Variants in EFCAB6 observed in about 807,000 individuals in gnomAD.
The protein encoded by EFCAB6 is EF-hand calcium-binding domain-containing protein 6.
A neutral mutation model predicts 169.8 loss-of-function variants in EFCAB6; 156 were observed. That is an observed-to-expected ratio of 0.92 (90% CI 0.81 to 1.05). EFCAB6 has a LOEUF of 1.05. Among genes scored for constraint, EFCAB6 ranks in the 50% least tolerant of loss-of-function variants. The pLI, the probability that EFCAB6 is intolerant of heterozygous loss-of-function variation, is 0.00. For synonymous variants in EFCAB6, 698 were observed against 676.4 expected, an observed-to-expected ratio of 1.03 and a Z score of -0.50; for missense variants, 1,800 against 1,829.1, an observed-to-expected ratio of 0.98 and a Z score of 0.29.
In EFCAB6 at chr22:43,789,269, G is replaced by A. The variant is rs143179411; in HGVS notation, c.-7-6944C>T. Among the ~76,000 whole-genome samples, 351 of 152,094 alleles carry A rather than the reference G, an allele frequency of 2.3e-3. 1 individual carries two copies. The highest frequency in any genetic ancestry group is 8.3e-3 in the African/African-American group (343 of 41,472). On this transcript the variant is annotated intron_variant, in intron 2 of 31. Transcript: ENST00000262726. ...CACTTTGAAAGGATGTGAATTTTAT[G>A]GTATATGAATTATATCACAATTAGA...
At chr22:43,717,101 A>C in intron 8 of EFCAB6, 129 bp from the exon 9 acceptor site, 1 of 1,197,744 alleles carries the variant, frequency 8.3e-7, no homozygotes. Context: ...ATGATGAACC[A>C]TCTGATTAAT....
intron 24 of EFCAB6, among the ~76,000 whole-genome samples, chr22:43,584,855 G>A (rs929925104): frequency 3.9e-5 from 6 of 152,106 alleles, no homozygotes; most frequent in African/African-American, 1.4e-4. Flanking sequence ...TGAAAGAACT[G>A]CAAAACACAT....
chr22:43,740,620 G>C (rs529365474), intron 6 of EFCAB6, among the ~76,000 whole-genome samples: 1 of 152,304 alleles, frequency 6.6e-6, no homozygotes, highest in South Asian at 2.1e-4. Flanking sequence ...CCAGCCTCCT[G>C]ACTAGAGAAC....
At chr22:43,737,511 A>G (rs905433444) in intron 6 of EFCAB6, among the ~76,000 whole-genome samples, 1 of 150,888 alleles carries the variant, frequency 6.6e-6, no homozygotes, top group Non-Finnish European at 1.5e-5. Flanking sequence ...ATATATTCAC[A>G]GATACATGCA....
chr22:43,801,625 T>G (rs1211097549), intron 2 of EFCAB6, among the ~76,000 whole-genome samples: 2 of 152,236 alleles, frequency 1.3e-5, no homozygotes, highest in East Asian at 3.8e-4. Context: ...ATTTCTTGTT[T>G]GTTTATATTC....
chr22:43,530,685 G>GT lies in EFCAB6; in HGVS notation c.4383+129dup, dbSNP rs1198952765. On this transcript the variant is annotated intron_variant, in intron 31 of 31. Coordinates refer to ENST00000262726, the MANE Select transcript of EFCAB6 (RefSeq NM_022785.4). ...TGGATAACTTGGGGGTCCCAGGGAAGTGAGATCTGAAGCAGCCAGGTCACA... is the reference window on the plus strand; with the variant it reads ...TGGATAACTTGGGGGTCCCAGGGAAGTTGAGATCTGAAGCAGCCAGGTCACA... 2.0e-6 allele frequency: 3 copies of GT among 1,510,934 alleles called. No homozygotes were observed. In the African/African-American group the frequency reaches 4.2e-5, roughly 21 times the overall value. The allele number at this position is 1,510,934 out of a possible 1,614,324, so 93.6% of individuals were successfully genotyped here. A position where few individuals can be genotyped will look rare whatever the true frequency, so the allele number is the denominator to read the frequency against.
intron 12 of EFCAB6, among the ~76,000 whole-genome samples, chr22:43,680,941 G>C (rs2057981404): frequency 6.6e-6 from 1 of 152,160 alleles, no homozygotes; most frequent in South Asian, 2.1e-4. Context: ...TTTCAATCTT[G>C]ATGCCTTTTA....
rs749521050 is a variant in EFCAB6 at position 43,580,571 on chromosome 22, T to C, written c.3121A>G (p.Lys1041Glu). Residue 1041 changes from lysine (K) to glutamate (E), a missense_variant, in exon 25 of 32, where the codon AAG (lysine) becomes GAG (glutamate). Coordinates refer to ENST00000262726, the MANE Select transcript of EFCAB6 (RefSeq NM_022785.4). ...ENSKSTGAQP[K>E]EKEESMPINF... ...ATTGGCATGCTCTCTTCTTTTTCCT[T>C]GGGCTGAGCTCCTGTTGACTTGCTG... The C allele has an allele frequency of 3.0e-5, 49 of 1,614,090 alleles. No individual in the cohort carries two copies. Among genetic ancestry groups the C allele is most frequent in the Non-Finnish European group, 3.9e-5 (46 of 1,180,038 alleles).
intron 25 of EFCAB6, among the ~76,000 whole-genome samples, chr22:43,578,766 G>A (rs1181117256): frequency 2.0e-5 from 3 of 150,300 alleles, no homozygotes; most frequent in African/African-American, 7.4e-5. Flanking sequence ...TTCCCTACAA[G>A]CAGGCATCAT....
intron 10 of EFCAB6, among the ~76,000 whole-genome samples, chr22:43,696,778 T>C (rs2058591838): frequency 6.6e-6 from 1 of 152,100 alleles, no homozygotes; most frequent in South Asian, 2.1e-4. Flanking sequence ...AGCAAGTCAA[T>C]GGTTGCCGGA....
At chr22:43,603,668 G>A (rs1256776034) in intron 22 of EFCAB6, among the ~76,000 whole-genome samples, 1 of 152,238 alleles carries the variant, frequency 6.6e-6, no homozygotes, top group Non-Finnish European at 1.5e-5. Context: ...AGAGTTACAG[G>A]GCAGAATGAG....
chr22:43,772,970 T>C lies in EFCAB6; in HGVS notation c.273A>G (p.Ser91=). ...TGATGATTCTTCTCAGTTCACTTTT[T>C]GACACAGTCAAGTTCTGACCAGTAT... The part of the protein sequence containing the change: ...LLDTGQNLTV[S]KSELRRIITD... Residue 91 remains serine (S), a synonymous_variant, in exon 4 of 32, where the codon TCA becomes TCG. Coordinates refer to ENST00000262726, the MANE Select transcript of EFCAB6 (RefSeq NM_022785.4). The C allele has an allele frequency of 6.2e-7, 1 of 1,614,246 alleles. No homozygotes were observed. Among genetic ancestry groups the C allele is most frequent in the South Asian group, 1.1e-5 (1 of 91,084 alleles).
rs2147148831 is a variant in EFCAB6, at chr22:43,687,559, T to C, written c.1054A>G (p.Lys352Glu). Residue 352 changes from lysine (K) to glutamate (E), a missense_variant, in exon 11 of 32, where the codon AAA becomes GAA. Coordinates refer to ENST00000262726, the MANE Select transcript of EFCAB6 (RefSeq NM_022785.4). The stretch of plus-strand genomic sequence containing the variant: ...GTTAGAAATTGCTTCCAATTGATTT[T>C]AGTGGTGGCTTTAAGTCCAAATCTG... ...MKRFGLKATT[K>E]INWKQFLTSF... is the part of the protein sequence containing the mutation. 6.2e-7 allele frequency: 1 copy of C among 1,604,088 alleles called. No individual in the cohort carries two copies. The highest frequency in any genetic ancestry group is 1.7e-5 in the Admixed American group (1 of 58,594).
At chr22:43,720,809 C>A (rs919049627) in intron 8 of EFCAB6, among the ~76,000 whole-genome samples, 5 of 151,792 alleles carry the variant, frequency 3.3e-5, no homozygotes, top group African/African-American at 9.7e-5. Flanking sequence ...AGAAGAAAAC[C>A]AAACAATGGA....
intron 2 of EFCAB6, among the ~76,000 whole-genome samples, chr22:43,802,228 A>C (rs2062746940): frequency 6.6e-6 from 1 of 152,180 alleles, no homozygotes; most frequent in Non-Finnish European, 1.5e-5. Flanking sequence ...GAAAGGTTGA[A>C]TAGGACATGA....
At chr22:43,756,319 G>C (rs1413364982) in intron 5 of EFCAB6, among the ~76,000 whole-genome samples, 3 of 152,190 alleles carry the variant, frequency 2.0e-5, no homozygotes, top group African/African-American at 4.8e-5. Flanking sequence ...CTCTGCTGCA[G>C]CTGCAGCACT....
At chr22:43,545,311 G>T (rs2047988362) in intron 27 of EFCAB6, among the ~76,000 whole-genome samples, 1 of 152,144 alleles carries the variant, frequency 6.6e-6, no homozygotes, top group South Asian at 2.1e-4. Context: ...TCTGGAAAAT[G>T]AAACTATCAC....
intron 25 of EFCAB6, among the ~76,000 whole-genome samples, chr22:43,579,207 CAGGCATCATTCCCTACAT>C (rs2147284853): frequency 6.6e-6 from 1 of 150,690 alleles, no homozygotes; most frequent in African/African-American, 2.4e-5. Context: ...TCCGTACATG[CAGGCATCATTCCCTACAT>C]GCAGGCATCA....
chr22:43,689,349 G>GCACAAACACA lies in EFCAB6; in HGVS notation c.1032-1769_1032-1768insTGTGTTTGTG, dbSNP rs375566793. 2.1e-3 allele frequency among the ~76,000 whole-genome samples: 307 copies of GCACAAACACA among 147,070 alleles called. 2 individuals carry two copies. Among genetic ancestry groups the GCACAAACACA allele is most frequent in the African/African-American group, 5.8e-3 (229 of 39,296 alleles). ...GTGGGCCACGTGAGGGAGAGCACGT[G>GCACAAACACA]CACACACACACACACACACACACAC... On this transcript the variant is annotated intron_variant, in intron 10 of 31. Transcript: ENST00000262726.
Sources: gnomAD v4.1 joint callset for allele counts (sites outside exome capture counted in the v4.1 genomes callset) on GRCh38, gnomAD v4.1.1 for gene constraint, MANE v1.5 for transcripts, NCBI Gene and HGNC (gene_info 2026-07-23, HGNC 2026-07-21) for gene names.